The following SYNJ2 variants were observed in gnomAD, a reference collection of about 807,000 sequenced individuals.
The protein encoded by SYNJ2 is synaptojanin 2, also known as polyphosphatidylinositol phosphatase SYNJ2.
In SYNJ2, 116 loss-of-function variants were observed where a neutral mutation model predicts 141.3. The observed-to-expected ratio is 0.82, with a 90% CI of 0.71 to 0.96. The LOEUF (loss-of-function observed/expected upper bound fraction) is 0.96, where lower values mean the gene tolerates loss of function less well. SYNJ2 is among the 40% of genes least tolerant of loss of function. The pLI is 0.00. For synonymous variants in SYNJ2, 745 were observed against 777.7 expected, an observed-to-expected ratio of 0.96 and a Z score of 0.70; for missense variants, 1,873 against 1,934.8, an observed-to-expected ratio of 0.97 and a Z score of 0.60.
At chr6:157,981,656 T>G (rs2128311275), upstream of SYNJ2, among the ~76,000 whole-genome samples, 1 of 151,720 alleles carries the variant, frequency 6.6e-6, no homozygotes, top group East Asian at 2.0e-4. This position sits in a 1 kb window ranked among gnomAD's most constrained non-coding sequence, Gnocchi z 6.4. Context: ...TCCGGGAGGC[T>G]CTTCCGCTCC....
intron 1 of SYNJ2, among the ~76,000 whole-genome samples, chr6:157,985,578 T>C (rs1245281516): frequency 1.3e-5 from 2 of 152,188 alleles, no homozygotes; most frequent in Non-Finnish European, 2.9e-5. Context: ...GTTCCCTTAT[T>C]TGCACATGGG....
Position 158,096,001 on chromosome 6 carries a change from C to G in SYNJ2, c.4128C>G (p.Thr1376=). ...SPSGHPPAAG[T]VFPQGDFLST... ...CTGGGCACCCACCTGCCGCGGGCACCGTCTTCCCACAAGGGGACTTTCTCA... is the reference window on the plus strand; with the variant it reads ...CTGGGCACCCACCTGCCGCGGGCACGGTCTTCCCACAAGGGGACTTTCTCA... The change falls in exon 27 of 27, where the codon ACC becomes ACG. Residue 1376 remains threonine, a synonymous_variant. Coordinates refer to ENST00000355585, the MANE Select transcript of SYNJ2 (RefSeq NM_003898.4). The G allele has an allele frequency of 6.2e-7, 1 of 1,614,208 alleles. No individual in the cohort carries two copies.
intron 5 of SYNJ2, among the ~76,000 whole-genome samples, chr6:158,047,405 A>G (rs1327717074): frequency 2.0e-5 from 3 of 152,146 alleles, no homozygotes; most frequent in African/African-American, 7.2e-5. Context: ...TATCTGTGCC[A>G]AGCCTTAGTT....
At chr6:158,019,751 C>T (rs2128329298) in intron 2 of SYNJ2, among the ~76,000 whole-genome samples, 1 of 152,312 alleles carries the variant, frequency 6.6e-6, no homozygotes, top group African/African-American at 2.4e-5. Flanking sequence ...TGGAGTTTCT[C>T]TGAGTGTGGT....
At position 158,076,707 on chromosome 6, in the gene SYNJ2, A is replaced by G; in HGVS notation, c.2374A>G (p.Ser792Gly). Residue 792 changes from serine to glycine, a missense_variant, in exon 17 of 27, where the codon AGC becomes GGC. Ser to Gly is a moderately conservative substitution (Grantham distance 56, BLOSUM62 0). Coordinates refer to ENST00000355585, the MANE Select transcript of SYNJ2 (RefSeq NM_003898.4). ...CGTTGGCTCAGCCGCCTACGATACA[A>G]GCGACAAATGCCGCACCCCCGCCTG... ...YDVGSAAYDTSDKCRTPAWTD... is the reference protein window; with the variant it reads ...YDVGSAAYDTGDKCRTPAWTD... 3.7e-6 allele frequency: 6 copies of G among 1,614,240 alleles called. No homozygotes were observed. The highest frequency in any genetic ancestry group is 5.1e-6 in the Non-Finnish European group (6 of 1,180,040).
Position 158,029,089 on chromosome 6 carries a change from T to G in SYNJ2, c.485+63T>G, listed in dbSNP as rs1554236841. ...GTCTCCTGCAGAGGGTGGGCCCTGGTTGGCATCTGAGGCCTTGACCTCCAC... is the reference window on the plus strand; with the variant it reads ...GTCTCCTGCAGAGGGTGGGCCCTGGGTGGCATCTGAGGCCTTGACCTCCAC... On this transcript the variant is annotated intron_variant, in intron 3 of 26. Transcript: ENST00000355585. The G allele has an allele frequency of 1.9e-3, 1,169 of 614,084 alleles. 1 individual carries two copies. The highest frequency in any genetic ancestry group is 6.8e-3 in the Admixed American group (191 of 28,156). The allele number at this position is 614,084 out of a possible 1,614,324, so 38.0% of individuals were successfully genotyped here. A position where few individuals can be genotyped will look rare whatever the true frequency, so the allele number is the denominator to read the frequency against.
chr6:158,002,965 G>C (rs1285552771), intron 1 of SYNJ2, among the ~76,000 whole-genome samples: 1 of 152,230 alleles, frequency 6.6e-6, no homozygotes, highest in Non-Finnish European at 1.5e-5. Flanking sequence ...CTGTGCTCAA[G>C]CCCTCTTGTT....
chr6:158,096,561 A>G lies in SYNJ2; in HGVS notation c.*197A>G. The G allele has an allele frequency of 1.9e-6, 1 of 528,884 alleles. No individual in the cohort carries two copies. Among genetic ancestry groups the G allele is most frequent in the Non-Finnish European group, 3.2e-6 (1 of 312,938 alleles). The allele number at this position is 528,884 out of a possible 1,614,324, so 32.8% of individuals were successfully genotyped here. On this transcript the variant is annotated 3_prime_UTR_variant, in exon 27 of 27. Coordinates refer to ENST00000355585, the MANE Select transcript of SYNJ2 (RefSeq NM_003898.4). ...CAGCCACCAAAATATATTTCACTCA[A>G]GGCTTGTACATCTGAAGTTTGCTCT...
chr6:157,987,394 CTTTG>C (rs757436393), intron 1 of SYNJ2, among the ~76,000 whole-genome samples: 46 of 152,078 alleles, frequency 3.0e-4, no homozygotes, highest in Non-Finnish European at 5.1e-4. Flanking sequence ...TCAAATACTT[CTTTG>C]TTTATTTATT....
intron 1 of SYNJ2, among the ~76,000 whole-genome samples, chr6:157,989,432 A>C (rs1285484068): frequency 7.1e-5 from 2 of 28,258 alleles, no homozygotes; most frequent in East Asian, 2.6e-3. Context: ...AAATGAATAT[A>C]TATATATATA....
intron 1 of SYNJ2, among the ~76,000 whole-genome samples, chr6:157,998,108 C>T (rs1777703360): frequency 1.3e-5 from 2 of 152,246 alleles, no homozygotes; most frequent in Non-Finnish European, 2.9e-5. Flanking sequence ...CTTGGCTGGC[C>T]AGCAGGATGC....
Position 158,089,922 on chromosome 6 carries a change from C to T in SYNJ2, c.3540C>T (p.Ile1180=). 6.2e-7 allele frequency: 1 copy of T among 1,614,100 alleles called. No homozygotes were observed. The highest frequency in any genetic ancestry group is 8.5e-7 in the Non-Finnish European group (1 of 1,179,970). ...TTNAQEAEAA[I]RCLLEARGGA... ...ATGCCCAGGAGGCAGAAGCAGCAAT[C>T]CGGTGTCTCCTGGAAGCCAGAGGAG... is the stretch of plus-strand genomic sequence containing the variant. Residue 1180 remains isoleucine, a synonymous_variant, in exon 25 of 27, where the codon ATC becomes ATT. Transcript: ENST00000355585.
At chr6:158,089,061 G>C (rs554808537) in intron 24 of SYNJ2, among the ~76,000 whole-genome samples, 2 of 152,116 alleles carry the variant, frequency 1.3e-5, no homozygotes, top group African/African-American at 4.8e-5. Flanking sequence ...TTGGTGTATG[G>C]GCAGAGCATT....
intron 1 of SYNJ2, among the ~76,000 whole-genome samples, chr6:157,985,824 A>T (rs1777180803): frequency 6.7e-6 from 1 of 150,084 alleles, no homozygotes; most frequent in Middle Eastern, 3.4e-3. Context: ...GCAGGGAGGG[A>T]GGGATGGGGC....
At chr6:157,981,320 C>T (rs937049845), upstream of SYNJ2, among the ~76,000 whole-genome samples, 1 of 152,266 alleles carries the variant, frequency 6.6e-6, no homozygotes, top group Non-Finnish European at 1.5e-5. The surrounding 1 kb of genome is among the most constrained non-coding windows in gnomAD (Gnocchi z 6.4). Flanking sequence ...GAAAGGTAAC[C>T]TTTCTCCAGC....
intron 1 of SYNJ2, among the ~76,000 whole-genome samples, chr6:157,997,207 CA>C (rs1777667597): frequency 6.6e-6 from 1 of 152,154 alleles, no homozygotes. Context: ...TTGTCCACTG[CA>C]AAAATGCATT....
Position 158,095,802 on chromosome 6 carries a change from A to C in SYNJ2, c.3929A>C (p.Glu1310Ala). The C allele has an allele frequency of 2.5e-6, 4 of 1,614,216 alleles. No homozygotes were observed. The highest frequency in any genetic ancestry group is 3.4e-6 in the Non-Finnish European group (4 of 1,180,030). ...AGCCACAGGAAGCCAGCATCAGACG[A>C]AGCCCCTCCTGGGGCAGGAGCCTCT... ...RPSHRKPASD[E>A]APPGAGASVP... The change falls in exon 27 of 27, where the codon GAA becomes GCA. Residue 1310 changes from glutamate to alanine, a missense_variant. Transcript: ENST00000355585.
rs772129072 is a variant in SYNJ2 at position 158,096,182 on chromosome 6, T to C, written c.4309T>C (p.Leu1437=). ...TTGGCTTTCTAAGAGCTCAGACCCT[T>C]TGGACTCAGGAACCAGGAGCCCCAA... The part of the protein sequence containing the change: ...NTWLSKSSDP[L]DSGTRSPKRD... Residue 1437 remains leucine (L), a synonymous_variant, in exon 27 of 27, where the codon TTG becomes CTG. Transcript: ENST00000355585. 1 of 1,614,186 alleles carries C rather than the reference T, an allele frequency of 6.2e-7. No individual in the cohort carries two copies. The highest frequency in any genetic ancestry group is 1.1e-5 in the South Asian group (1 of 91,076).
intron 16 of SYNJ2, among the ~76,000 whole-genome samples, chr6:158,074,943 T>C (rs1454821738): frequency 1.6e-5 from 2 of 125,352 alleles, no homozygotes; most frequent in African/African-American, 6.1e-5. Flanking sequence ...TTTTTTTTTT[T>C]TTCCTGAGGC....
Sources: allele counts gnomAD v4.1 joint callset (sites outside exome capture counted in the v4.1 genomes callset), GRCh38; gene constraint gnomAD v4.1.1; non-coding constraint Gnocchi (gnomAD v3.1); transcripts MANE v1.5; gene names NCBI Gene and HGNC (gene_info 2026-07-23, HGNC 2026-07-21).